SGCZ: variants seen among roughly 807,000 people sequenced by gnomAD.
The protein encoded by SGCZ is sarcoglycan zeta.
SGCZ carries 40 observed loss-of-function variants against 41.3 expected under a neutral mutation model. The ratio of observed to expected loss-of-function variants is 0.97; its 90% CI spans 0.75 to 1.26. SGCZ has a LOEUF of 1.26. Among genes scored for constraint, SGCZ ranks in the 50% most tolerant of loss-of-function variants. The pLI is 0.00. For missense variants in SGCZ, 552 were observed against 369.8 expected (o/e 1.49, Z -4.04); for synonymous variants, 206 against 137.5 (o/e 1.50, Z -3.49).
At chr8:14,701,111 G>A (rs974390487) in intron 1 of SGCZ, among the ~76,000 whole-genome samples, 1 of 151,894 alleles carries the variant, frequency 6.6e-6, no homozygotes, top group Non-Finnish European at 1.5e-5. Flanking sequence ...AAGCTATCCA[G>A]AACAAAATTC....
intron 1 of SGCZ, among the ~76,000 whole-genome samples, chr8:14,999,099 G>A (rs1303959855): frequency 6.6e-6 from 1 of 152,164 alleles, no homozygotes; most frequent in Non-Finnish European, 1.5e-5. Flanking sequence ...ATCTCTTACT[G>A]ATTCTGACTG....
At chr8:15,109,732 G>C (rs1367009871) in intron 1 of SGCZ, among the ~76,000 whole-genome samples, 1 of 152,134 alleles carries the variant, frequency 6.6e-6, no homozygotes, top group Non-Finnish European at 1.5e-5. Flanking sequence ...GTTAATATAT[G>C]TGAGACACTA....
intron 1 of SGCZ, among the ~76,000 whole-genome samples, chr8:14,577,772 G>T (rs1482983471): frequency 6.6e-6 from 1 of 152,130 alleles, no homozygotes; most frequent in East Asian, 1.9e-4. Flanking sequence ...CATTTTATCT[G>T]AATTTCGTGC....
chr8:15,148,577 C>T (rs889416105), intron 1 of SGCZ, among the ~76,000 whole-genome samples: 1 of 152,128 alleles, frequency 6.6e-6, no homozygotes, highest in African/African-American at 2.4e-5. Context: ...GTCTAGTTAC[C>T]ATCAATTATT....
intron 1 of SGCZ, among the ~76,000 whole-genome samples, chr8:14,802,279 C>T (rs1801346080): frequency 6.6e-6 from 1 of 152,040 alleles, no homozygotes; most frequent in Non-Finnish European, 1.5e-5. Flanking sequence ...GGTGCTTCCC[C>T]ATGAATAAAT....
chr8:14,476,844 C>T (rs11995701), intron 2 of SGCZ, among the ~76,000 whole-genome samples: 4,400 of 152,198 alleles, frequency 0.029, 199 homozygotes, highest in African/African-American at 0.099. Context: ...TTGTCTTAGA[C>T]AATCAGTCCC....
intron 2 of SGCZ, among the ~76,000 whole-genome samples, chr8:14,531,489 C>G (rs997695969): frequency 6.6e-6 from 1 of 151,994 alleles, no homozygotes; most frequent in African/African-American, 2.4e-5. Context: ...ACCACTCCCT[C>G]CTGCTCACCA....
intron 1 of SGCZ, among the ~76,000 whole-genome samples, chr8:15,125,508 T>C (rs1380591067): frequency 2.0e-5 from 3 of 152,200 alleles, no homozygotes; most frequent in Non-Finnish European, 2.9e-5. Context: ...TATTCTCTTC[T>C]TTATGCTTCT....
chr8:14,833,822 GA>G (rs34866168), intron 1 of SGCZ, among the ~76,000 whole-genome samples: 41,195 of 149,382 alleles, frequency 0.28, 5,738 homozygotes, highest in Middle Eastern at 0.35. Flanking sequence ...GATGATCCAG[GA>G]AAAAAAAAAA....
At chr8:14,490,273 A>G (rs1373149933) in intron 2 of SGCZ, among the ~76,000 whole-genome samples, 1 of 152,176 alleles carries the variant, frequency 6.6e-6, no homozygotes, top group Non-Finnish European at 1.5e-5. Flanking sequence ...CTTGATTACT[A>G]AACTTTCTCC....
At chr8:14,379,070 A>G (rs957048641) in intron 2 of SGCZ, among the ~76,000 whole-genome samples, 1 of 152,194 alleles carries the variant, frequency 6.6e-6, no homozygotes, top group Non-Finnish European at 1.5e-5. Context: ...TATGGGGAAA[A>G]AATAGTATGC....
At chr8:15,037,180 CAT>C (rs1244422394) in intron 1 of SGCZ, among the ~76,000 whole-genome samples, 1 of 152,166 alleles carries the variant, frequency 6.6e-6, no homozygotes, top group Non-Finnish European at 1.5e-5. Context: ...ATGATCCCCA[CAT>C]GTCATAGGAG....
intron 1 of SGCZ, among the ~76,000 whole-genome samples, chr8:15,157,676 T>A (rs922180848): frequency 2.0e-5 from 3 of 152,018 alleles, no homozygotes; most frequent in Non-Finnish European, 4.4e-5. Context: ...ACAACACACT[T>A]ACACTCATGG....
intron 1 of SGCZ, among the ~76,000 whole-genome samples, chr8:14,874,524 T>C (rs1473878447): frequency 3.3e-5 from 5 of 152,190 alleles, no homozygotes; most frequent in East Asian, 3.8e-4. Flanking sequence ...AATATTGGCT[T>C]AAATTTAACT....
At chr8:14,920,170 G>A (rs550227214) in intron 1 of SGCZ, among the ~76,000 whole-genome samples, 1 of 152,244 alleles carries the variant, frequency 6.6e-6, no homozygotes, top group East Asian at 1.9e-4. Context: ...GTGCATTTTA[G>A]CTTCTGACAC....
chr8:14,637,890 C>A (rs1223893037), intron 1 of SGCZ, among the ~76,000 whole-genome samples: 1 of 151,796 alleles, frequency 6.6e-6, no homozygotes, highest in African/African-American at 2.4e-5. Context: ...TTTGAGAAGT[C>A]TGCAAACTGC....
At chr8:15,054,035 G>A (rs1804616743) in intron 1 of SGCZ, among the ~76,000 whole-genome samples, 1 of 152,156 alleles carries the variant, frequency 6.6e-6, no homozygotes, top group South Asian at 2.1e-4. Context: ...GATGTGATGT[G>A]CAGACAGTAA....
intron 2 of SGCZ, among the ~76,000 whole-genome samples, chr8:14,391,463 G>C (rs1353471385): frequency 1.3e-5 from 2 of 152,060 alleles, no homozygotes; most frequent in African/African-American, 4.8e-5. Context: ...GATTAATGTT[G>C]TAACCCAGAT....
chr8:14,511,058 G>T (rs1459807385), intron 2 of SGCZ, among the ~76,000 whole-genome samples: 1 of 151,964 alleles, frequency 6.6e-6, no homozygotes, highest in East Asian at 1.9e-4. Flanking sequence ...AACACAGATG[G>T]TTACCCAAAT....
Sources: allele counts gnomAD v4.1 joint callset (sites outside exome capture counted in the v4.1 genomes callset), GRCh38; gene constraint gnomAD v4.1.1; transcripts MANE v1.5; gene names NCBI Gene and HGNC (gene_info 2026-07-23, HGNC 2026-07-21).